FANCI: variants seen among roughly 807,000 people sequenced by gnomAD.
FANCI encodes Fanconi anemia group I protein.
FANCI carries 156 observed loss-of-function variants against 176.1 expected under a neutral mutation model. The observed-to-expected ratio is 0.89, with a 90% CI of 0.78 to 1.01. The LOEUF (loss-of-function observed/expected upper bound fraction) is 1.01. Ranked by LOEUF, FANCI falls within the 50% of genes least tolerant of loss-of-function variation. The pLI, the probability that FANCI is intolerant of heterozygous loss-of-function variation, is 0.00. For synonymous variants in FANCI, 613 were observed against 541.7 expected, an observed-to-expected ratio of 1.13 and a Z score of -1.83; for missense variants, 1,678 against 1,534.1, an observed-to-expected ratio of 1.09 and a Z score of -1.57.
intron 15 of FANCI, among the ~76,000 whole-genome samples, 182 bp from the exon 16 acceptor site, chr15:89,281,583 A>G (rs931007776): frequency 3.9e-5 from 6 of 152,362 alleles, no homozygotes; most frequent in Middle Eastern, 3.4e-3. Flanking sequence ...GGCATTTGCA[A>G]CCAGTTTCAT....
Position 89,268,151 on chromosome 15 carries a change from A to G in FANCI, c.756-248A>G, listed in dbSNP as rs116430478. ...TCTCTGTTGCCTAGGCTGAAGTGCA[A>G]TGGCACAATCTTGGCTCACGGCAAC... On this transcript the variant is annotated intron_variant, in intron 9 of 37. Transcript: ENST00000310775. Among the ~76,000 whole-genome samples the G allele has an allele frequency of 2.8e-3, 423 of 152,170 alleles. No individual in the cohort carries two copies. The highest frequency in any genetic ancestry group is 9.7e-3 in the African/African-American group (404 of 41,518).
intron 34 of FANCI, 121 bp from the exon 35 acceptor site, chr15:89,312,783 C>T: frequency 1.3e-6 from 1 of 756,106 alleles, no homozygotes; most frequent in African/African-American, 1.8e-5. Flanking sequence ...CACGCCACTG[C>T]ACACCAGCCT....
At chr15:89,263,323 A>G in intron 6 of FANCI, 96 bp from the exon 7 acceptor site, 1 of 977,996 alleles carries the variant, frequency 1.0e-6, no homozygotes. Flanking sequence ...GCAAAATCAA[A>G]CTTGAATTGG....
At chr15:89,292,028 A>G (rs2054088355) in intron 20 of FANCI, among the ~76,000 whole-genome samples, 1 of 152,224 alleles carries the variant, frequency 6.6e-6, no homozygotes. Flanking sequence ...GATGTCACCT[A>G]CGAACAGATG....
intron 35 of FANCI, among the ~76,000 whole-genome samples, chr15:89,313,972 A>ATC (rs777565755): frequency 4.8e-4 from 40 of 82,922 alleles, no homozygotes; most frequent in African/African-American, 1.9e-3. Context: ...AAGATATATA[A>ATC]TCACACACAC....
At position 89,292,801 on chromosome 15, in the gene FANCI, A is replaced by G. The variant is rs2151725234; in HGVS notation, c.2106A>G (p.Leu702=). ...AGGAAGAGGCATTCTACGAAGACCT[A>G]GATGATATATTGGAGTCCATTACTA... ...EEEEEAFYED[L]DDILESITNR... The change falls in exon 21 of 38, where the codon CTA becomes CTG. Residue 702 remains leucine, a synonymous_variant. Transcript: ENST00000310775. 4 of 1,614,122 alleles carry G rather than the reference A, an allele frequency of 2.5e-6. No homozygotes were observed. In the South Asian group the frequency reaches 4.4e-5, roughly 18 times the overall value.
intron 2 of FANCI, among the ~76,000 whole-genome samples, chr15:89,254,392 G>A (rs1224166084): frequency 6.6e-6 from 1 of 152,112 alleles, no homozygotes; most frequent in Admixed American, 6.5e-5. Context: ...GTAAAGAAGT[G>A]CTCAAAAAAG....
intron 2 of FANCI, among the ~76,000 whole-genome samples, chr15:89,248,206 GGGA>G (rs2052075700): frequency 6.6e-6 from 1 of 152,130 alleles, no homozygotes; most frequent in African/African-American, 2.4e-5. Context: ...ATTATAAAAT[GGGA>G]TAGTAATTGC....
At chr15:89,308,754 G>A (rs1424474534) in intron 34 of FANCI, among the ~76,000 whole-genome samples, 1 of 152,058 alleles carries the variant, frequency 6.6e-6, no homozygotes, top group South Asian at 2.1e-4. Context: ...AGACCAGCCT[G>A]GCCAACATGG....
chr15:89,305,686 GA>G lies in FANCI; in HGVS notation c.3340del (p.Thr1114ProfsTer50). ...ITKLKGQVSQ[E>X]TLSEEASSQA... ...CAAGCTTAAGGGACAAGTGAGCCAA[GA>G]AACCTTATCAGGTAAGATAAGTTCA... On this transcript the variant is annotated frameshift_variant, in exon 31 of 38. Coordinates refer to ENST00000310775, the MANE Select transcript of FANCI (RefSeq NM_001113378.2). LOFTEE classifies it high-confidence loss of function. The G allele has an allele frequency of 6.2e-7, 1 of 1,614,180 alleles. No homozygotes were observed. The highest frequency in any genetic ancestry group is 8.5e-7 in the Non-Finnish European group (1 of 1,180,010).
chr15:89,260,709 T>G lies in FANCI; in HGVS notation c.158-4T>G. The stretch of plus-strand genomic sequence containing the variant: ...TTTCTGAACCCCCTGTTTAAAACAA[T>G]AAGGTTCCCCCTGCTCTGAGGAAGC... On this transcript the variant is annotated splice_region_variant and splice_polypyrimidine_tract_variant and intron_variant, in intron 3 of 37. Transcript: ENST00000310775. The G allele has an allele frequency of 6.2e-7, 1 of 1,613,264 alleles. No individual in the cohort carries two copies.
In FANCI at chr15:89,286,977, CTTTTTTT is replaced by C. The variant is rs543431700; in HGVS notation, c.1821+1774_1821+1780del. On this transcript the variant is annotated intron_variant, in intron 18 of 37. Coordinates refer to ENST00000310775, the MANE Select transcript of FANCI (RefSeq NM_001113378.2). ...TCAGCATTTGCTGCTTCACCTTGCA[CTTTTTTT>C]TTTTTTTTTTTTTTGAGTCTCACTC... Among the ~76,000 whole-genome samples, 39 of 86,042 alleles carry C rather than the reference CTTTTTTT, an allele frequency of 4.5e-4. 1 individual carries two copies. Among genetic ancestry groups the C allele is most frequent in the Non-Finnish European group, 3.8e-4 (18 of 46,960 alleles). The allele number at this position is 86,042 out of a possible 152,430, so 56.4% of individuals were successfully genotyped here. A position where few individuals can be genotyped will look rare whatever the true frequency, so the allele number is the denominator to read the frequency against.
At chr15:89,294,767 G>T (rs1203082184) in intron 23 of FANCI, 148 bp from the exon 24 acceptor site, 2 of 705,796 alleles carry the variant, frequency 2.8e-6, no homozygotes, top group Admixed American at 3.0e-5. Flanking sequence ...CTATAGCTTG[G>T]GCTGCCTAGA....
At chr15:89,307,825 G>C (rs775532721) in intron 34 of FANCI, 153 bp downstream of exon 34, 40 of 1,522,814 alleles carry the variant, frequency 2.6e-5, no homozygotes, top group Admixed American at 8.7e-5. Flanking sequence ...GCCAAGGCTT[G>C]AGGGCTTTGC....
chr15:89,255,643 T>C (rs1596228850), intron 2 of FANCI, among the ~76,000 whole-genome samples: 1 of 152,256 alleles, frequency 6.6e-6, no homozygotes, highest in African/African-American at 2.4e-5. Context: ...CAACACAAAA[T>C]GAGGAATGTT....
chr15:89,303,832 T>C (rs761137832), intron 27 of FANCI, 32 bp from the exon 28 acceptor site: 19 of 1,600,806 alleles, frequency 1.2e-5, no homozygotes, highest in Non-Finnish European at 1.6e-5. Flanking sequence ...CTCTGGCATG[T>C]TTCTTTAATA....
chr15:89,297,081 G>T (rs530407956), intron 24 of FANCI, among the ~76,000 whole-genome samples: 1 of 151,638 alleles, frequency 6.6e-6, no homozygotes, highest in Non-Finnish European at 1.5e-5. Context: ...CTTCCCAGAC[G>T]GGGTGGCTGC....
intron 9 of FANCI, among the ~76,000 whole-genome samples, 190 bp from the exon 10 acceptor site, chr15:89,268,209 C>G (rs2053052524): frequency 6.6e-6 from 1 of 152,182 alleles, no homozygotes. Context: ...ATCCTCCCAC[C>G]TCAGCCTCCC....
intron 2 of FANCI, 42 bp downstream of exon 2, chr15:89,247,773 G>C: frequency 6.5e-7 from 1 of 1,539,248 alleles, no homozygotes; most frequent in Non-Finnish European, 9.0e-7. Flanking sequence ...TAAATGTCAG[G>C]CATGATGACA....
Sources: allele counts gnomAD v4.1 joint callset (sites outside exome capture counted in the v4.1 genomes callset), GRCh38; gene constraint gnomAD v4.1.1; transcripts MANE v1.5; gene names NCBI Gene and HGNC (gene_info 2026-07-23, HGNC 2026-07-21).